The following DCDC2C variants were observed in gnomAD, a reference collection of about 807,000 sequenced individuals.
The protein encoded by DCDC2C is doublecortin domain containing 2C.
DCDC2C carries 44 observed loss-of-function variants against 45.0 expected under a neutral mutation model. The ratio of observed to expected loss-of-function variants is 0.98; its 90% CI spans 0.77 to 1.26. DCDC2C has a LOEUF of 1.26. Among genes scored for constraint, DCDC2C ranks in the 50% most tolerant of loss-of-function variants. DCDC2C has a pLI of 0.00. For missense variants in DCDC2C, 447 were observed against 468.9 expected (o/e 0.95, Z 0.43); for synonymous variants, 187 against 178.8 (o/e 1.05, Z -0.37).
chr2:3,729,929 G>C (rs1392253395), intron 3 of DCDC2C, among the ~76,000 whole-genome samples: 1 of 152,142 alleles, frequency 6.6e-6, no homozygotes, highest in Admixed American at 6.5e-5. Flanking sequence ...GTTGTCATAG[G>C]CCAGAGTTCT....
Position 3,703,879 on chromosome 2 carries a change from T to A in DCDC2C, c.128T>A (p.Phe43Tyr). ...CTGTCGCGGCGCCGCGCGGCCACCT[T>A]CGAGGCGCTGCTGGAGCAGCTCACG... ...FVLSRRRAAT[F>Y]EALLEQLTEQ... The change falls in exon 1 of 11, where the codon TTC becomes TAC. Residue 43 changes from phenylalanine (F) to tyrosine (Y), a missense_variant. By Grantham distance (22) the Phe-to-Tyr change is conservative. Transcript: ENST00000399143. This position sits in a 1 kb window ranked among gnomAD's most constrained non-coding sequence, Gnocchi z 4.4. 1 of 1,308,824 alleles carries A rather than the reference T, an allele frequency of 7.6e-7. No homozygotes were observed. The highest frequency in any genetic ancestry group is 9.8e-7 in the Non-Finnish European group (1 of 1,024,192). 81.1% of individuals were successfully genotyped at this position (1,308,824 alleles called of 1,614,324 possible). A position where few individuals can be genotyped will look rare whatever the true frequency, so the allele number is the denominator to read the frequency against.
chr2:3,708,409 G>A (rs977288748), intron 1 of DCDC2C, 140 bp from the exon 2 acceptor site: 26 of 598,972 alleles, frequency 4.3e-5, no homozygotes, highest in East Asian at 1.8e-4. Flanking sequence ...TTCTAACACC[G>A]AGAAAATTTT....
intron 2 of DCDC2C, among the ~76,000 whole-genome samples, chr2:3,713,482 G>A (rs987099329): frequency 1.3e-5 from 2 of 152,182 alleles, no homozygotes; most frequent in African/African-American, 2.4e-5. Context: ...GAGAACAGCT[G>A]CATCCCGGGT....
chr2:3,706,830 C>T (rs552174614), intron 1 of DCDC2C, among the ~76,000 whole-genome samples: 2 of 152,314 alleles, frequency 1.3e-5, no homozygotes, highest in East Asian at 3.9e-4. Context: ...GAGCCAGAGA[C>T]TGGTGGAATT....
chr2:3,703,915 A>T lies in DCDC2C; in HGVS notation c.164A>T (p.Asp55Val). ...ALLEQLTEQV[D>V]VPFGVRRLFT... ...CTGGAGCAGCTCACGGAGCAGGTGG[A>T]CGTCCCGTTCGGCGTGCGCCGCCTC... The change falls in exon 1 of 11, where the codon GAC becomes GTC. Residue 55 changes from aspartate (D) to valine (V), a missense_variant. By Grantham distance (152) the Asp-to-Val change is radical (BLOSUM62 -3). Transcript: ENST00000399143. The surrounding 1 kb of genome is among the most constrained non-coding windows in gnomAD (Gnocchi z 4.4). 1 of 1,341,432 alleles carries T rather than the reference A, an allele frequency of 7.5e-7. No individual in the cohort carries two copies. Among genetic ancestry groups the T allele is most frequent in the Non-Finnish European group, 9.6e-7 (1 of 1,042,478 alleles). 83.1% of individuals were successfully genotyped at this position (1,341,432 alleles called of 1,614,324 possible). A position where few individuals can be genotyped will look rare whatever the true frequency, so the allele number is the denominator to read the frequency against.
At chr2:3,797,952 C>G (rs1292147683) in intron 10 of DCDC2C, among the ~76,000 whole-genome samples, 1 of 150,956 alleles carries the variant, frequency 6.6e-6, no homozygotes, top group African/African-American at 2.4e-5. Context: ...ATTGATCTGT[C>G]TAATGTTGAC....
In DCDC2C at chr2:3,734,161, G is replaced by A. The variant is rs377016094; in HGVS notation, c.416+7082G>A. Among the ~76,000 whole-genome samples, 5 of 152,300 alleles carry A rather than the reference G, an allele frequency of 3.3e-5. No individual in the cohort carries two copies. The East Asian group carries it at 5.8e-4, about 18-fold the overall frequency. ...TCACGTACTGCCCCAAAGGCATGGC[G>A]GCTGTCAGCGTGGATGTTTCACCTT... On this transcript the variant is annotated intron_variant, in intron 3 of 10. Coordinates refer to ENST00000399143, the MANE Select transcript of DCDC2C (RefSeq NM_001287444.2). The surrounding 1 kb of genome is among the most constrained non-coding windows in gnomAD (Gnocchi z 4.2).
rs768431754 is a variant in DCDC2C at position 3,767,798 on chromosome 2, C to T, written c.771C>T (p.Pro257=). ...GKEPCKYDGI[P]PKTQDSVYYA... is the part of the protein sequence containing the mutation. ...AACCTTGTAAATATGATGGCATACC[C>T]CCTAAAACACAGGATTCTGTTTATT... The change falls in exon 7 of 11, where the codon CCC becomes CCT. Residue 257 remains proline, a synonymous_variant. Coordinates refer to ENST00000399143, the MANE Select transcript of DCDC2C (RefSeq NM_001287444.2). The T allele has an allele frequency of 2.6e-6, 4 of 1,549,828 alleles. No individual in the cohort carries two copies. In the South Asian group the frequency reaches 4.8e-5, roughly 19 times the overall value.
At chr2:3,731,923 AC>A (rs1374813429) in intron 3 of DCDC2C, among the ~76,000 whole-genome samples, 2 of 152,102 alleles carry the variant, frequency 1.3e-5, no homozygotes, top group African/African-American at 4.8e-5. Context: ...TCCTGTCAGG[AC>A]CATATGTATG....
Position 3,767,940 on chromosome 2 carries a change from G to C in DCDC2C, c.853+60G>C, listed in dbSNP as rs923660686. The C allele has an allele frequency of 6.0e-6, 8 of 1,337,372 alleles. No individual in the cohort carries two copies. In the African/African-American group the frequency reaches 8.5e-5, roughly 14 times the overall value. The allele number at this position is 1,337,372 out of a possible 1,614,324, so 82.8% of individuals were successfully genotyped here. On this transcript the variant is annotated intron_variant, in intron 7 of 10. Transcript: ENST00000399143. ...GAAACTTTACCAGGCTGAGAACATG[G>C]GATTTTTTTTTTTTCAGAGAAATCT...
At chr2:3,832,432 A>C (rs949891834) in intron 10 of DCDC2C, among the ~76,000 whole-genome samples, 22 of 152,232 alleles carry the variant, frequency 1.4e-4, no homozygotes, top group African/African-American at 5.3e-4. Flanking sequence ...CCACTGCTTC[A>C]TTCTTCCTTG....
chr2:3,814,270 G>A (rs1366497468), intron 10 of DCDC2C, among the ~76,000 whole-genome samples: 12 of 151,994 alleles, frequency 7.9e-5, no homozygotes, highest in African/African-American at 2.9e-4. Context: ...TTTTAGCAAG[G>A]TGGTCTTCAA....
intron 2 of DCDC2C, among the ~76,000 whole-genome samples, chr2:3,725,521 C>CGG (rs1668632386): frequency 1.7e-4 from 5 of 30,136 alleles, no homozygotes; most frequent in East Asian, 9.2e-4. Context: ...CGGTGGATCC[C>CGG]AGAGGAAGAC....
At position 3,818,944 on chromosome 2, in the gene DCDC2C, G is replaced by A. The variant is rs1327311487; in HGVS notation, c.1066-28210G>A. Among the ~76,000 whole-genome samples the A allele has an allele frequency of 6.6e-6, 1 of 152,164 alleles. No individual in the cohort carries two copies. The highest frequency in any genetic ancestry group is 1.5e-5 in the Non-Finnish European group (1 of 68,034). ...TGCATAAAAGAATATTGTTTACGTT[G>A]GCACCAGAGTTGTGGAGTTTTAAGA... On this transcript the variant is annotated intron_variant, in intron 10 of 10. Coordinates refer to ENST00000399143, the MANE Select transcript of DCDC2C (RefSeq NM_001287444.2). This position sits in a 1 kb window ranked among gnomAD's most constrained non-coding sequence, Gnocchi z 4.7.
At position 3,727,016 on chromosome 2, in the gene DCDC2C, T is replaced by C; in HGVS notation, c.353T>C (p.Val118Ala). The change falls in exon 3 of 11, where the codon GTG becomes GCG. Residue 118 changes from valine to alanine, a missense_variant. Physicochemically the swap from Val to Ala is moderately conservative, Grantham distance 64. Transcript: ENST00000399143. The part of the protein sequence containing the change: ...IRKLKEIKPV[V>A]HCDINVPSKW... The stretch of plus-strand genomic sequence containing the variant: ...TTCCTTTTTCAGATCAAACCAGTGG[T>C]GCATTGTGATATAAATGTGCCTTCC... 1 of 1,550,500 alleles carries C rather than the reference T, an allele frequency of 6.4e-7. No individual in the cohort carries two copies. The highest frequency in any genetic ancestry group is 8.7e-7 in the Non-Finnish European group (1 of 1,146,914).
In DCDC2C at chr2:3,734,988, C is replaced by A. The variant is rs898807603; in HGVS notation, c.417-6932C>A. ...GAGAAATTAGGCATCCACATCCTAC[C>A]GCATCCCACAAGACCCCCACTTTCT... On this transcript the variant is annotated intron_variant, in intron 3 of 10. Transcript: ENST00000399143. This position sits in a 1 kb window ranked among gnomAD's most constrained non-coding sequence, Gnocchi z 4.2. 1.3e-5 allele frequency among the ~76,000 whole-genome samples: 2 copies of A among 152,120 alleles called. No individual in the cohort carries two copies. The highest frequency in any genetic ancestry group is 6.5e-5 in the Admixed American group (1 of 15,280).
chr2:3,810,114 T>G (rs1340656095), intron 10 of DCDC2C, among the ~76,000 whole-genome samples: 2 of 152,258 alleles, frequency 1.3e-5, no homozygotes, highest in African/African-American at 4.8e-5. Flanking sequence ...TACCCAATAA[T>G]GGGATTGCTG....
At chr2:3,717,240 G>A (rs547971443) in intron 2 of DCDC2C, among the ~76,000 whole-genome samples, 41 of 152,102 alleles carry the variant, frequency 2.7e-4, no homozygotes, top group Non-Finnish European at 5.4e-4. Flanking sequence ...CTCTCTCAAA[G>A]TCAGGACCCA....
At chr2:3,778,519 C>A (rs532425576) in intron 8 of DCDC2C, among the ~76,000 whole-genome samples, 17 of 152,320 alleles carry the variant, frequency 1.1e-4, no homozygotes, top group African/African-American at 3.4e-4. Context: ...GTGGGGTCCT[C>A]ATGGTGTCCC....
Sources: gnomAD v4.1 joint callset for allele counts (sites outside exome capture counted in the v4.1 genomes callset) on GRCh38, gnomAD v4.1.1 for gene constraint, Gnocchi (gnomAD v3.1) non-coding constraint, MANE v1.5 for transcripts, NCBI Gene and HGNC (gene_info 2026-07-23, HGNC 2026-07-21) for gene names.